Variants in HSP90AA1 observed in about 807,000 individuals in gnomAD.
HSP90AA1 encodes heat shock protein HSP 90-alpha.
A neutral mutation model predicts 73.3 loss-of-function variants in HSP90AA1; 18 were observed. The ratio of observed to expected loss-of-function variants is 0.25; its 90% CI spans 0.17 to 0.36. The LOEUF (loss-of-function observed/expected upper bound fraction) is 0.36, where lower values mean the gene tolerates loss of function less well. Ranked by LOEUF, HSP90AA1 falls within the 10% of genes least tolerant of loss-of-function variation. HSP90AA1 has a pLI of 1.00. For synonymous variants in HSP90AA1, 477 were observed against 296.9 expected, an observed-to-expected ratio of 1.61 and a Z score of -6.24; for missense variants, 704 against 874.2, an observed-to-expected ratio of 0.81 and a Z score of 2.45.
chr14:102,085,690 G>C (rs2049213389), intron 3 of HSP90AA1, 68 bp downstream of exon 3: 1 of 1,607,784 alleles, frequency 6.2e-7, no homozygotes, highest in Non-Finnish European at 8.5e-7. Flanking sequence ...CGCATCCCCA[G>C]GGGTCCAAGG....
intron 1 of HSP90AA1, among the ~76,000 whole-genome samples, chr14:102,111,160 A>T (rs1044408905): frequency 2.0e-5 from 3 of 152,260 alleles, no homozygotes; most frequent in Non-Finnish European, 4.4e-5. Context: ...GAGGAGCTGA[A>T]TGTTAATTTC....
At chr14:102,117,077 C>T (rs954167961) in intron 1 of HSP90AA1, among the ~76,000 whole-genome samples, 6 of 152,188 alleles carry the variant, frequency 3.9e-5, no homozygotes, top group African/African-American at 1.4e-4. Context: ...CCGCTCAGTG[C>T]AGCACTAACA....
Position 102,081,458 on chromosome 14 carries a change from C to A in HSP90AA1, c.*254G>T. On this transcript the variant is annotated 3_prime_UTR_variant, in exon 11 of 11. Coordinates refer to ENST00000216281, the MANE Select transcript of HSP90AA1 (RefSeq NM_005348.4). Reference sequence around the variant, plus strand: ...CACAAAGTTAACATCATGTTACATACGTCTTACAGTGCACGTTACCCCAAT... The same window carrying A: ...CACAAAGTTAACATCATGTTACATAAGTCTTACAGTGCACGTTACCCCAAT... 2 of 554,618 alleles carry A rather than the reference C, an allele frequency of 3.6e-6. No individual in the cohort carries two copies. The highest frequency in any genetic ancestry group is 3.0e-5 in the East Asian group (1 of 33,030). 34.4% of individuals were successfully genotyped at this position (554,618 alleles called of 1,614,324 possible).
Position 102,084,726 on chromosome 14 carries a change from G to A in HSP90AA1, c.936C>T (p.Phe312=), listed in dbSNP as rs115566847. The A allele has an allele frequency of 1.2e-6, 2 of 1,614,080 alleles. No individual in the cohort carries two copies. Among genetic ancestry groups the A allele is most frequent in the Middle Eastern group, 1.6e-4 (1 of 6,062 alleles). The stretch of plus-strand genomic sequence containing the variant: ...CCCAGTCATTGGTCAAGCTCTTATA[G>A]AATTCTCCGTACTCCTCATTAGTAA... The part of the protein sequence containing the change: ...DDITNEEYGE[F]YKSLTNDWED... Residue 312 remains phenylalanine (F), a synonymous_variant, in exon 5 of 11, where the codon TTC becomes TTT. Coordinates refer to ENST00000216281, the MANE Select transcript of HSP90AA1 (RefSeq NM_005348.4).
At chr14:102,106,219 T>G (rs904960258) in intron 1 of HSP90AA1, among the ~76,000 whole-genome samples, 15 of 152,236 alleles carry the variant, frequency 9.9e-5, no homozygotes, top group African/African-American at 3.6e-4. Context: ...AACAGCTTTC[T>G]CAATCAATGG....
At chr14:102,088,029 C>A (rs1018992764), upstream of HSP90AA1, among the ~76,000 whole-genome samples, 1 of 149,050 alleles carries the variant, frequency 6.7e-6, no homozygotes, top group African/African-American at 2.5e-5. Flanking sequence ...TCACTGCAGC[C>A]TCGACCCTCC....
At chr14:102,109,901 G>C (rs2049616244) in intron 1 of HSP90AA1, among the ~76,000 whole-genome samples, 1 of 152,184 alleles carries the variant, frequency 6.6e-6, no homozygotes, top group Admixed American at 6.5e-5. Flanking sequence ...ATGGAGATGA[G>C]GAACTTGTTG....
intron 1 of HSP90AA1, chr14:102,139,137 G>C: frequency 3.9e-6 from 5 of 1,293,440 alleles, no homozygotes; most frequent in Non-Finnish European, 5.5e-6. Context: ...CTCATCACAC[G>C]CAGGAATTAG....
At chr14:102,131,763 C>G (rs1178581693) in intron 1 of HSP90AA1, among the ~76,000 whole-genome samples, 1 of 152,212 alleles carries the variant, frequency 6.6e-6, no homozygotes, top group Non-Finnish European at 1.5e-5. Flanking sequence ...TTACCCTGAC[C>G]TACTTCTTCT....
upstream of HSP90AA1, chr14:102,087,157 G>C: frequency 1.0e-6 from 1 of 983,636 alleles, no homozygotes; most frequent in East Asian, 1.2e-4. Context: ...CGCCGCCGCG[G>C]CCGCGCGCCT....
In HSP90AA1 at chr14:102,084,865, T is replaced by C. The variant is rs2049185764; in HGVS notation, c.797A>G (p.Glu266Gly). 6.4e-7 allele frequency: 1 copy of C among 1,572,696 alleles called. No individual in the cohort carries two copies. Among genetic ancestry groups the C allele is most frequent in the Non-Finnish European group, 8.8e-7 (1 of 1,142,636 alleles). Residue 266 changes from glutamate (E) to glycine (G), a missense_variant, in exon 5 of 11, where the codon GAA becomes GGA. Glu to Gly is a moderately conservative substitution (Grantham distance 98). Transcript: ENST00000216281. ...CTTGTCACCATCCTTCTTTTCTTCT[T>C]CCTCATCAGAACCAACATCTTCAAT... ...PEIEDVGSDEEEEKKDGDKKK... is the reference protein window; with the variant it reads ...PEIEDVGSDEGEEKKDGDKKK...
Position 102,083,528 on chromosome 14 carries a change from A to AACAT in HSP90AA1, c.1486+14_1486+17dup. The stretch of plus-strand genomic sequence containing the variant: ...TTGTAAGAACGACGTGTATGACTGT[A>AACAT]ACATAGTGTTCTCTTACCTGTGATA... On this transcript the variant is annotated intron_variant, in intron 8 of 10. Transcript: ENST00000216281. The AACAT allele has an allele frequency of 1.2e-6, 2 of 1,611,394 alleles. No individual in the cohort carries two copies. Among genetic ancestry groups the AACAT allele is most frequent in the Non-Finnish European group, 1.7e-6 (2 of 1,178,206 alleles).
intron 1 of HSP90AA1, among the ~76,000 whole-genome samples, chr14:102,138,183 A>C (rs1285961123): frequency 6.7e-6 from 1 of 148,758 alleles, no homozygotes; most frequent in Non-Finnish European, 1.5e-5. Flanking sequence ...AGAATAATAC[A>C]AAATTTTGTT....
At chr14:102,109,201 G>A (rs1566730572) in intron 1 of HSP90AA1, among the ~76,000 whole-genome samples, 1 of 152,116 alleles carries the variant, frequency 6.6e-6, no homozygotes, top group Non-Finnish European at 1.5e-5. Flanking sequence ...TCATACAGAT[G>A]GAATTACACA....
chr14:102,137,260 A>T (rs1017136519), intron 1 of HSP90AA1, among the ~76,000 whole-genome samples: 14 of 151,600 alleles, frequency 9.2e-5, no homozygotes, highest in East Asian at 5.8e-4. Context: ...ATTTTTTTTT[A>T]AATTCCCGGT....
intron 1 of HSP90AA1, among the ~76,000 whole-genome samples, chr14:102,103,911 G>T (rs2049529321): frequency 6.6e-6 from 1 of 151,994 alleles, no homozygotes; most frequent in Non-Finnish European, 1.5e-5. Flanking sequence ...GGCTGAGGGA[G>T]GAGAATTACT....
In HSP90AA1 at chr14:102,115,224, G is replaced by A. The variant is rs572259703; in HGVS notation, c.156-13139C>T. Among the ~76,000 whole-genome samples the A allele has an allele frequency of 4.6e-5, 7 of 152,096 alleles. No homozygotes were observed. In the East Asian group the frequency reaches 9.7e-4, roughly 21 times the overall value. On this transcript the variant is annotated intron_variant, in intron 1 of 11. Transcript: ENST00000334701. ...TGAGACAAGAGGATCCCTTGAACCC[G>A]GGAGGTAGAGTGAGCCAAAATCATA...
chr14:102,139,201 C>A, intron 1 of HSP90AA1: 1 of 1,608,976 alleles, frequency 6.2e-7, no homozygotes, highest in Non-Finnish European at 8.5e-7. Context: ...TCCCCCTACC[C>A]CGCCTGAAAT....
chr14:102,108,894 G>T (rs2049604574), intron 1 of HSP90AA1, among the ~76,000 whole-genome samples: 1 of 152,158 alleles, frequency 6.6e-6, no homozygotes, highest in Non-Finnish European at 1.5e-5. Flanking sequence ...CTGTTGAACA[G>T]TAGTGGAGAT....
Sources: gnomAD v4.1 joint callset for allele counts (sites outside exome capture counted in the v4.1 genomes callset) on GRCh38, gnomAD v4.1.1 for gene constraint, MANE v1.5 for transcripts, NCBI Gene and HGNC (gene_info 2026-07-23, HGNC 2026-07-21) for gene names.